The following ANXA4 variants were observed in gnomAD, a reference collection of about 807,000 sequenced individuals.
The protein encoded by ANXA4 is 35-beta calcimedin.
ANXA4 carries 39 observed loss-of-function variants against 49.8 expected under a neutral mutation model. That is an observed-to-expected ratio of 0.78 (90% CI 0.61 to 1.02). The LOEUF (loss-of-function observed/expected upper bound fraction) is 1.02, where lower values mean the gene tolerates loss of function less well. Among genes scored for constraint, ANXA4 ranks in the 50% least tolerant of loss-of-function variants. ANXA4 has a pLI of 0.00. For synonymous variants in ANXA4, 134 were observed against 152.5 expected, an observed-to-expected ratio of 0.88 and a Z score of 0.89; for missense variants, 360 against 410.1, an observed-to-expected ratio of 0.88 and a Z score of 1.05.
chr2:69,749,916 C>G (rs1573190415), intron 1 of ANXA4, among the ~76,000 whole-genome samples: 1 of 142,050 alleles, frequency 7.0e-6, no homozygotes, highest in Non-Finnish European at 1.5e-5. Context: ...GAGCGAGACT[C>G]TATCTCAAAA....
At chr2:69,821,852 TA>T (rs1674257783) in intron 12 of ANXA4, among the ~76,000 whole-genome samples, 1 of 152,116 alleles carries the variant, frequency 6.6e-6, no homozygotes, top group African/African-American at 2.4e-5. Flanking sequence ...CTGAACTATA[TA>T]ACTAGTTTAA....
chr2:69,676,845 A>T (rs185201695), intron 2 of ANXA4, among the ~76,000 whole-genome samples: 1 of 152,190 alleles, frequency 6.6e-6, no homozygotes, highest in African/African-American at 2.4e-5. Context: ...GTGAGCCAAG[A>T]TCGCATCACT....
At chr2:69,759,558 C>T (rs1419906236) in intron 1 of ANXA4, among the ~76,000 whole-genome samples, 1 of 152,086 alleles carries the variant, frequency 6.6e-6, no homozygotes, top group Non-Finnish European at 1.5e-5. Flanking sequence ...AAAATTCTAC[C>T]TCTACCTAGA....
intron 1 of ANXA4, among the ~76,000 whole-genome samples, chr2:69,764,974 G>C (rs1458384973): frequency 6.6e-6 from 1 of 150,446 alleles, no homozygotes; most frequent in Non-Finnish European, 1.5e-5. Context: ...ACTTAGCTTA[G>C]TGTCCTTAGG....
intron 3 of ANXA4, among the ~76,000 whole-genome samples, chr2:69,732,017 G>A (rs1360004480): frequency 5.8e-4 from 70 of 120,914 alleles, no homozygotes; most frequent in African/African-American, 2.4e-3. Context: ...GTCTGGCTCT[G>A]TCGCCCAGGC....
chr2:69,668,816 T>A (rs1347648693), intron 2 of ANXA4, among the ~76,000 whole-genome samples: 1 of 152,212 alleles, frequency 6.6e-6, no homozygotes, highest in African/African-American at 2.4e-5. Flanking sequence ...TCAGTAATAT[T>A]ACCACATGTC....
intron 2 of ANXA4, among the ~76,000 whole-genome samples, chr2:69,656,049 TAGC>T (rs1676425905): frequency 1.3e-5 from 2 of 151,594 alleles, no homozygotes; most frequent in Non-Finnish European, 1.5e-5. Context: ...AAGGGAGGGA[TAGC>T]GTTAGAAGAA....
chr2:69,693,774 G>T (rs1410379830), intron 2 of ANXA4, among the ~76,000 whole-genome samples: 1 of 152,154 alleles, frequency 6.6e-6, no homozygotes, highest in Non-Finnish European at 1.5e-5. Flanking sequence ...AGTAGCTATG[G>T]GGAACAATAT....
intron 10 of ANXA4, 22 bp from the exon 11 acceptor site, chr2:69,819,258 C>T: frequency 6.4e-7 from 1 of 1,561,040 alleles, no homozygotes; most frequent in Non-Finnish European, 8.7e-7. Flanking sequence ...CTTTTCATTT[C>T]TTCTTTTTTT....
intron 2 of ANXA4, among the ~76,000 whole-genome samples, chr2:69,668,681 C>G (rs1352441998): frequency 1.3e-5 from 2 of 152,140 alleles, no homozygotes; most frequent in African/African-American, 4.8e-5. Flanking sequence ...ATATGTAAAA[C>G]TCACCTTCTG....
At chr2:69,659,117 C>G (rs1053592331) in intron 2 of ANXA4, among the ~76,000 whole-genome samples, 1 of 152,106 alleles carries the variant, frequency 6.6e-6, no homozygotes, top group African/African-American at 2.4e-5. Flanking sequence ...ATCAGAGTTA[C>G]TTTGTGAAAA....
At chr2:69,703,932 C>G (rs978937147) in intron 2 of ANXA4, among the ~76,000 whole-genome samples, 1 of 152,080 alleles carries the variant, frequency 6.6e-6, no homozygotes, top group Non-Finnish European at 1.5e-5. Flanking sequence ...GTGCCACCCC[C>G]CCGCAGCTTA....
chr2:69,825,616 C>A lies in ANXA4; in HGVS notation c.*101C>A. The A allele has an allele frequency of 1.2e-6, 1 of 857,486 alleles. No homozygotes were observed. 53.1% of individuals were successfully genotyped at this position (857,486 alleles called of 1,614,324 possible). ...ATCATTATCTCAGAATGCTTATTTCCAATTAAAACGCCTACAGCTGCCTCC... is the reference window on the plus strand; with the variant it reads ...ATCATTATCTCAGAATGCTTATTTCAAATTAAAACGCCTACAGCTGCCTCC... On this transcript the variant is annotated 3_prime_UTR_variant, in exon 13 of 13. Coordinates refer to ENST00000394295, the MANE Select transcript of ANXA4 (RefSeq NM_001153.5).
rs67161210 is a variant in ANXA4, at chr2:69,773,621, CTTT to C, written c.-46-7877_-46-7875del. Among the ~76,000 whole-genome samples, 733 of 92,984 alleles carry C rather than the reference CTTT, an allele frequency of 7.9e-3. 10 individuals carry two copies. Among genetic ancestry groups the C allele is most frequent in the Admixed American group, 0.073 (519 of 7,114 alleles). 61.0% of individuals were successfully genotyped at this position (92,984 alleles called of 152,430 possible). On this transcript the variant is annotated intron_variant, in intron 1 of 12. Transcript: ENST00000394295. ...TTCTTTTCTTTTCTTTTCTTTCCTT[CTTT>C]TTTTTTTTTTTTTTTTTTTTTGTTT...
At chr2:69,768,178 TGTCCA>T (rs1160089973) in intron 1 of ANXA4, among the ~76,000 whole-genome samples, 2 of 152,190 alleles carry the variant, frequency 1.3e-5, no homozygotes, top group African/African-American at 4.8e-5. Context: ...TAAATTATCA[TGTCCA>T]GTCCACTGGA....
At position 69,757,270 on chromosome 2, in the gene ANXA4, T is replaced by A. The variant is rs1266359563; in HGVS notation, c.-47+15095T>A. On this transcript the variant is annotated intron_variant, in intron 1 of 12. Coordinates refer to ENST00000394295, the MANE Select transcript of ANXA4 (RefSeq NM_001153.5). ...TATATATATATATATATATATATTTTTTTTTTTTTTTTTTTTTTTAGGTGG... is the reference window on the plus strand; with the variant it reads ...TATATATATATATATATATATATTTATTTTTTTTTTTTTTTTTTTAGGTGG... 7.3e-3 allele frequency among the ~76,000 whole-genome samples: 326 copies of A among 44,732 alleles called. 1 individual carries two copies. The highest frequency in any genetic ancestry group is 0.036 in the African/African-American group (259 of 7,268). The allele number at this position is 44,732 out of a possible 152,430, so 29.3% of individuals were successfully genotyped here. A position where few individuals can be genotyped will look rare whatever the true frequency, so the allele number is the denominator to read the frequency against.
At chr2:69,754,796 T>C (rs72903077) in intron 1 of ANXA4, among the ~76,000 whole-genome samples, 2,412 of 152,342 alleles carry the variant, frequency 0.016, 77 homozygotes, top group African/African-American at 0.055. Context: ...GGTTCTTTTA[T>C]GCTCCCTCCT....
intron 1 of ANXA4, among the ~76,000 whole-genome samples, chr2:69,748,147 G>A (rs1487366610): frequency 3.9e-5 from 6 of 152,030 alleles, no homozygotes; most frequent in East Asian, 1.9e-4. Flanking sequence ...AGGCTGAGGC[G>A]GGTGGATCAC....
At chr2:69,724,433 G>T (rs911294133) in intron 3 of ANXA4, among the ~76,000 whole-genome samples, 2 of 152,164 alleles carry the variant, frequency 1.3e-5, no homozygotes, top group African/African-American at 4.8e-5. Context: ...TATAAAAGAA[G>T]ACTTTTTCTA....
Sources: gnomAD v4.1 joint callset for allele counts (sites outside exome capture counted in the v4.1 genomes callset) on GRCh38, gnomAD v4.1.1 for gene constraint, MANE v1.5 for transcripts, NCBI Gene and HGNC (gene_info 2026-07-23, HGNC 2026-07-21) for gene names.